Variants in SCG5 observed in about 807,000 individuals in gnomAD.
SCG5 encodes neuroendocrine protein 7B2.
SCG5 carries 18 observed loss-of-function variants against 25.7 expected under a neutral mutation model. The observed-to-expected ratio is 0.70, with a 90% CI of 0.48 to 1.04. The LOEUF is 1.04. SCG5 is among the 50% of genes least tolerant of loss of function. The pLI is 0.00. For missense variants in SCG5, 206 were observed against 259.8 expected, an observed-to-expected ratio of 0.79 and a Z score of 1.42; for synonymous variants, 101 against 91.7, an observed-to-expected ratio of 1.10 and a Z score of -0.58.
chr15:32,692,569 T>A (rs1235164012), intron 5 of SCG5, among the ~76,000 whole-genome samples: 1 of 152,212 alleles, frequency 6.6e-6, no homozygotes, highest in East Asian at 1.9e-4. Context: ...CTTCTTTATC[T>A]GATCAGATGA....
intron 4 of SCG5, among the ~76,000 whole-genome samples, chr15:32,685,478 G>C (rs908914287): frequency 6.6e-6 from 1 of 152,192 alleles, no homozygotes; most frequent in Non-Finnish European, 1.5e-5. Flanking sequence ...TTGTTAAAGA[G>C]TCCATGTAAA....
At chr15:32,680,127 A>G (rs746002978) in intron 3 of SCG5, among the ~76,000 whole-genome samples, 4 of 151,784 alleles carry the variant, frequency 2.6e-5, no homozygotes, top group Non-Finnish European at 4.4e-5. Flanking sequence ...TTCCCTTGCC[A>G]AGGCTTTACT....
At position 32,646,732 on chromosome 15, in the gene SCG5, G is replaced by C. The variant is rs1489558335; in HGVS notation, c.226+2914G>C. ...TGGGTTTTTCCCAGTCTGGGACCTT[G>C]GCATTGAATTTGTTGGGTGGTCTGA... On this transcript the variant is annotated intron_variant, in intron 2 of 5. Coordinates refer to ENST00000300175, the MANE Select transcript of SCG5 (RefSeq NM_001144757.3). Among the ~76,000 whole-genome samples, 3 of 152,168 alleles carry C rather than the reference G, an allele frequency of 2.0e-5. 1 individual carries two copies. The highest frequency in any genetic ancestry group is 4.1e-4 in the South Asian group (2 of 4,828).
At chr15:32,696,210 C>CTG (rs1567093607) in intron 5 of SCG5, among the ~76,000 whole-genome samples, 3 of 152,096 alleles carry the variant, frequency 2.0e-5, no homozygotes, top group African/African-American at 7.2e-5. Flanking sequence ...CTCCGCCTCC[C>CTG]GGGTTCACGC....
Position 32,657,209 on chromosome 15 carries a change from A to ATATATATATATATAATGTATG in SCG5, c.226+13394_226+13395insATATATATATAATGTATGTAT. The stretch of plus-strand genomic sequence containing the variant: ...TTCTTTCATCCTCCTGTATATATAT[A>ATATATATATATATAATGTATG]TATGTATGTATTTCCAGGTGTAAGT... On this transcript the variant is annotated intron_variant, in intron 2 of 5. Coordinates refer to ENST00000300175, the MANE Select transcript of SCG5 (RefSeq NM_001144757.3). Among the ~76,000 whole-genome samples the ATATATATATATATAATGTATG allele has an allele frequency of 1.0e-4, 4 of 38,726 alleles. 1 individual carries two copies. The highest frequency in any genetic ancestry group is 2.3e-4 in the African/African-American group (4 of 17,310). The allele number at this position is 38,726 out of a possible 152,430, so 25.4% of individuals were successfully genotyped here. A position where few individuals can be genotyped will look rare whatever the true frequency, so the allele number is the denominator to read the frequency against.
intron 2 of SCG5, among the ~76,000 whole-genome samples, chr15:32,667,084 T>A (rs1205500717): frequency 6.7e-6 from 1 of 148,598 alleles, no homozygotes; most frequent in African/African-American, 2.5e-5. Context: ...GTTGAAATGA[T>A]AATTTGGATA....
At chr15:32,673,510 C>T (rs1329759810) in intron 2 of SCG5, among the ~76,000 whole-genome samples, 1 of 138,712 alleles carries the variant, frequency 7.2e-6, no homozygotes, top group Admixed American at 7.4e-5. Flanking sequence ...TCAGAATCCA[C>T]ATTTGGATAA....
intron 2 of SCG5, among the ~76,000 whole-genome samples, chr15:32,667,502 C>T (rs946051755): frequency 3.5e-4 from 54 of 152,310 alleles, no homozygotes; most frequent in Admixed American, 1.8e-3. Context: ...AGCGTATTGC[C>T]GGAGGCACCT....
chr15:32,684,029 C>G (rs1017370688), intron 3 of SCG5, among the ~76,000 whole-genome samples: 5 of 152,184 alleles, frequency 3.3e-5, no homozygotes, highest in Non-Finnish European at 7.3e-5. Context: ...GCCAGAGGCG[C>G]GTGAGGCTGT....
At chr15:32,684,336 G>A (rs2054666813) in intron 3 of SCG5, 1 of 500,586 alleles carries the variant, frequency 2.0e-6, no homozygotes, top group Non-Finnish European at 3.5e-6. Context: ...AAGGGAAGTG[G>A]GTTTGGTGAA....
chr15:32,661,745 G>A (rs893753158), intron 2 of SCG5, among the ~76,000 whole-genome samples: 4 of 152,072 alleles, frequency 2.6e-5, no homozygotes, highest in South Asian at 2.1e-4. Flanking sequence ...TCACACACTC[G>A]GAGGGAAATT....
intron 5 of SCG5, among the ~76,000 whole-genome samples, chr15:32,693,912 C>T (rs1248737623): frequency 6.6e-6 from 1 of 152,136 alleles, no homozygotes; most frequent in East Asian, 1.9e-4. Context: ...TAGTTCAAGA[C>T]CAGCCTGGCC....
chr15:32,682,414 G>C (rs533831737), intron 3 of SCG5, among the ~76,000 whole-genome samples: 42 of 152,286 alleles, frequency 2.8e-4, no homozygotes, highest in African/African-American at 9.9e-4. Flanking sequence ...ACCTATGGAA[G>C]GAAGACATAG....
chr15:32,662,693 G>T (rs574377067), intron 2 of SCG5, among the ~76,000 whole-genome samples: 1 of 152,022 alleles, frequency 6.6e-6, no homozygotes, highest in Admixed American at 6.6e-5. Context: ...GTATAAATTG[G>T]AGATCACCTC....
At chr15:32,690,358 C>T (rs1329606863) in intron 4 of SCG5, among the ~76,000 whole-genome samples, 1 of 152,236 alleles carries the variant, frequency 6.6e-6, no homozygotes, top group Non-Finnish European at 1.5e-5. Flanking sequence ...CCAGCTCTAA[C>T]ACCAGCTCTT....
At chr15:32,690,052 G>A (rs373015975) in intron 4 of SCG5, among the ~76,000 whole-genome samples, 18 of 151,960 alleles carry the variant, frequency 1.2e-4, no homozygotes, top group Non-Finnish European at 1.6e-4. Context: ...CGTGTTAGCC[G>A]GGATGGTCTC....
intron 2 of SCG5, among the ~76,000 whole-genome samples, chr15:32,668,202 G>C (rs1359186674): frequency 6.6e-6 from 1 of 152,100 alleles, no homozygotes; most frequent in African/African-American, 2.4e-5. Flanking sequence ...TAGCTGCTGG[G>C]AACTCAGAAA....
At chr15:32,653,197 G>A (rs1256750431) in intron 2 of SCG5, among the ~76,000 whole-genome samples, 1 of 152,214 alleles carries the variant, frequency 6.6e-6, no homozygotes, top group Non-Finnish European at 1.5e-5. Flanking sequence ...GTGATCGGTA[G>A]AATCTGTCAT....
intron 2 of SCG5, among the ~76,000 whole-genome samples, chr15:32,674,004 C>A (rs1236881338): frequency 6.6e-6 from 1 of 152,174 alleles, no homozygotes; most frequent in Non-Finnish European, 1.5e-5. Flanking sequence ...TAGGTGTGAG[C>A]CACCGCACCC....
Sources: gnomAD v4.1 joint callset for allele counts (sites outside exome capture counted in the v4.1 genomes callset) on GRCh38, gnomAD v4.1.1 for gene constraint, MANE v1.5 for transcripts, NCBI Gene and HGNC (gene_info 2026-07-23, HGNC 2026-07-21) for gene names.